Variants in SLC7A2 observed in about 807,000 individuals in gnomAD.
The protein encoded by SLC7A2 is solute carrier family 7 member 2, also known as cationic amino acid transporter 2.
Under a neutral mutation model 58.9 loss-of-function variants are expected in SLC7A2, and 48 were observed. The ratio of observed to expected loss-of-function variants is 0.82; its 90% CI spans 0.65 to 1.04. The LOEUF (loss-of-function observed/expected upper bound fraction) is 1.04, where lower values mean the gene tolerates loss of function less well. Ranked by LOEUF, SLC7A2 falls within the 50% of genes least tolerant of loss-of-function variation. The pLI, the probability that SLC7A2 is intolerant of heterozygous loss-of-function variation, is 0.00. For missense variants in SLC7A2, 1,029 were observed against 818.8 expected, an observed-to-expected ratio of 1.26 and a Z score of -3.13; for synonymous variants, 363 against 314.5, an observed-to-expected ratio of 1.15 and a Z score of -1.63.
chr8:17,553,520 C>T (rs946679179), intron 7 of SLC7A2, among the ~76,000 whole-genome samples: 3 of 152,154 alleles, frequency 2.0e-5, no homozygotes, highest in Non-Finnish European at 2.9e-5. Flanking sequence ...CTTGTAGTCC[C>T]AGCACTTTGG....
rs1803235013 is a variant in SLC7A2 at position 17,565,674 on chromosome 8, G to A, written c.*528G>A. 1 of 152,620 alleles carries A rather than the reference G, an allele frequency of 6.6e-6. No individual in the cohort carries two copies. The highest frequency in any genetic ancestry group is 1.5e-5 in the Non-Finnish European group (1 of 68,352). The allele number at this position is 152,620 out of a possible 1,614,324, so 9.5% of individuals were successfully genotyped here. A position where few individuals can be genotyped will look rare whatever the true frequency, so the allele number is the denominator to read the frequency against. On this transcript the variant is annotated 3_prime_UTR_variant, in exon 13 of 13. Transcript: ENST00000494857. ...CATCATGGTGTCTGTCACTGGTTAG[G>A]GGTAAGATGAGGGGATAAGGAAAGA... is the stretch of plus-strand genomic sequence containing the variant.
In SLC7A2 at chr8:17,551,978, G is replaced by C; in HGVS notation, c.1047G>C (p.Leu349Phe). The change falls in exon 7 of 13, where the codon TTG (leucine) becomes TTC (phenylalanine). Residue 349 changes from leucine to phenylalanine, a missense_variant. Physicochemically the swap from Leu to Phe is conservative, Grantham distance 22. Coordinates refer to ENST00000494857, the MANE Select transcript of SLC7A2 (RefSeq NM_001370338.1). ...YVVAAGSLCA[L>F]STSLLGSIFP... ...TCGCAGCTGGTTCTCTCTGCGCCTT[G>C]TCAACAAGGTACATTGCATCGCCTT... 1 of 1,613,954 alleles carries C rather than the reference G, an allele frequency of 6.2e-7. No individual in the cohort carries two copies. Among genetic ancestry groups the C allele is most frequent in the Non-Finnish European group, 8.5e-7 (1 of 1,179,898 alleles).
rs764890127 is a variant in SLC7A2 at position 17,549,118 on chromosome 8, C to G, written c.698+275C>G. Among the ~76,000 whole-genome samples the G allele has an allele frequency of 3.4e-4, 52 of 152,160 alleles. 1 individual carries two copies. The highest frequency in any genetic ancestry group is 6.2e-4 in the South Asian group (3 of 4,810). On this transcript the variant is annotated intron_variant, in intron 5 of 12. Coordinates refer to ENST00000494857, the MANE Select transcript of SLC7A2 (RefSeq NM_001370338.1). ...ATAAAACCATCAGCTCTTGTGAGACCCACTCACCATCACAAGAACAGCACA... is the reference window on the plus strand; with the variant it reads ...ATAAAACCATCAGCTCTTGTGAGACGCACTCACCATCACAAGAACAGCACA...
In SLC7A2 at chr8:17,549,007, G is replaced by A. The variant is rs187583266; in HGVS notation, c.698+164G>A. On this transcript the variant is annotated intron_variant, in intron 5 of 12. Transcript: ENST00000494857. ...CTCACAGTTCCACATGGCTGGGGAA[G>A]CCTCACAATCGTGGCGGAAGGTGAA... Among the ~76,000 whole-genome samples, 11 of 148,366 alleles carry A rather than the reference G, an allele frequency of 7.4e-5. No homozygotes were observed. In the East Asian group the frequency reaches 2.1e-3, roughly 29 times the overall value.
At chr8:17,496,998 T>A (rs1417711986), upstream of SLC7A2, 1 of 144,560 alleles carries the variant, frequency 6.9e-6, no homozygotes, top group Non-Finnish European at 1.6e-5. Context: ...GGGGTCGCGT[T>A]CCGGGAGCGC....
At chr8:17,547,366 A>G (rs1802222393) in intron 4 of SLC7A2, among the ~76,000 whole-genome samples, 1 of 152,136 alleles carries the variant, frequency 6.6e-6, no homozygotes, top group Non-Finnish European at 1.5e-5. Flanking sequence ...CCCATGATTC[A>G]GTTACCTCCC....
chr8:17,509,906 A>G (rs143030595), intron 2 of SLC7A2, among the ~76,000 whole-genome samples: 136 of 151,938 alleles, frequency 9.0e-4, no homozygotes, highest in African/African-American at 3.0e-3. Flanking sequence ...CCTATTTTTC[A>G]TTGGTATGTG....
rs1015407164 is a variant in SLC7A2 at position 17,569,177 on chromosome 8, T to A, written c.*4031T>A. On this transcript the variant is annotated 3_prime_UTR_variant, in exon 13 of 13. Transcript: ENST00000494857. ...ATCACACCTTGGCGTGATGAAATCA[T>A]GCCAAGATTCTGACTCTCCCTTTCC... is the stretch of plus-strand genomic sequence containing the variant. 4 of 152,152 alleles carry A rather than the reference T, an allele frequency of 2.6e-5. No individual in the cohort carries two copies. The highest frequency in any genetic ancestry group is 4.1e-4 in the South Asian group (2 of 4,822). 9.4% of individuals were successfully genotyped at this position (152,152 alleles called of 1,614,324 possible).
intron 2 of SLC7A2, among the ~76,000 whole-genome samples, chr8:17,505,043 T>C (rs922129616): frequency 2.6e-5 from 4 of 151,708 alleles, no homozygotes; most frequent in Non-Finnish European, 4.4e-5. Context: ...TTTAGGGGAG[T>C]TAAGGAAATT....
intron 2 of SLC7A2, among the ~76,000 whole-genome samples, chr8:17,514,529 T>C (rs1314490850): frequency 6.6e-6 from 1 of 152,148 alleles, no homozygotes; most frequent in Non-Finnish European, 1.5e-5. Context: ...AGGTTGACCC[T>C]GGAAGCTAAT....
Position 17,543,198 on chromosome 8 carries a change from A to C in SLC7A2, c.-22-120A>C, listed in dbSNP as rs971428601. 8 of 879,582 alleles carry C rather than the reference A, an allele frequency of 9.1e-6. No homozygotes were observed. In the African/African-American group the frequency reaches 1.2e-4, roughly 13 times the overall value. 54.5% of individuals were successfully genotyped at this position (879,582 alleles called of 1,614,324 possible). A position where few individuals can be genotyped will look rare whatever the true frequency, so the allele number is the denominator to read the frequency against. ...CTCTTCTAACAAGTGAAACACACAC[A>C]CACACACACACACACACAAACACAC... is the stretch of plus-strand genomic sequence containing the variant. On this transcript the variant is annotated intron_variant, in intron 2 of 12. Transcript: ENST00000494857.
chr8:17,525,915 G>C (rs999515371), intron 2 of SLC7A2, among the ~76,000 whole-genome samples: 1 of 152,046 alleles, frequency 6.6e-6, no homozygotes, highest in Admixed American at 6.6e-5. Context: ...TTTACTTTTT[G>C]GTAGTATTCA....
chr8:17,562,177 AGTATTTTTT>A, intron 11 of SLC7A2, 67 bp downstream of exon 11: 36 of 601,494 alleles, frequency 6.0e-5, no homozygotes, highest in Middle Eastern at 8.5e-4. Flanking sequence ...TAGTTTGGTA[AGTATTTTTT>A]TTTTTTTTTT....
intron 2 of SLC7A2, among the ~76,000 whole-genome samples, chr8:17,520,153 A>G (rs1287692632): frequency 1.3e-5 from 2 of 152,234 alleles, no homozygotes; most frequent in East Asian, 3.9e-4. Flanking sequence ...ATCTTGAAAC[A>G]TAGGTTATGT....
Position 17,538,871 on chromosome 8 carries a change from G to A in SLC7A2, c.-22-4447G>A, listed in dbSNP as rs13259948. The A allele has an allele frequency of 0.18, 285,364 of 1,609,622 alleles. 28,858 individuals carry two copies. The highest frequency in any genetic ancestry group is 0.21 in the Non-Finnish European group (242,969 of 1,175,906). ...TATAACTCAGACAAACTAATTTGTC[G>A]AGGGTTTATTGGAACACCTGCCCCA... On this transcript the variant is annotated intron_variant, in intron 2 of 12. Coordinates refer to ENST00000494857, the MANE Select transcript of SLC7A2 (RefSeq NM_001370338.1).
chr8:17,505,442 C>T (rs545785317), intron 2 of SLC7A2, among the ~76,000 whole-genome samples: 13 of 152,248 alleles, frequency 8.5e-5, no homozygotes, highest in Admixed American at 6.5e-4. Context: ...CTCTGAGTCA[C>T]AGAGGTATGA....
chr8:17,526,054 A>G lies in SLC7A2; in HGVS notation c.-22-17264A>G, dbSNP rs926437259. 2.6e-5 allele frequency among the ~76,000 whole-genome samples: 4 copies of G among 152,322 alleles called. No individual in the cohort carries two copies. The East Asian group carries it at 5.8e-4, about 22-fold the overall frequency. Reference sequence around the variant, plus strand: ...AAAAAGCAGATTTCTAAATACCCAGAGAAAATATGAAGATAATTCTATGGA... The same window carrying G: ...AAAAAGCAGATTTCTAAATACCCAGGGAAAATATGAAGATAATTCTATGGA... On this transcript the variant is annotated intron_variant, in intron 2 of 12. Transcript: ENST00000494857.
At position 17,570,455 on chromosome 8, in the gene SLC7A2, T is replaced by C. The variant is rs1226145486; in HGVS notation, c.*5309T>C. ...GATCATCAGTGTTCCTTTTTACTTA[T>C]AAAGTTGGATTCTTTTTTAGAATTT... On this transcript the variant is annotated 3_prime_UTR_variant, in exon 13 of 13. Coordinates refer to ENST00000494857, the MANE Select transcript of SLC7A2 (RefSeq NM_001370338.1). The C allele has an allele frequency of 1.3e-5, 2 of 152,658 alleles. No individual in the cohort carries two copies. Among genetic ancestry groups the C allele is most frequent in the African/African-American group, 4.8e-5 (2 of 41,460 alleles). The allele number at this position is 152,658 out of a possible 1,614,324, so 9.5% of individuals were successfully genotyped here. A position where few individuals can be genotyped will look rare whatever the true frequency, so the allele number is the denominator to read the frequency against.
intron 2 of SLC7A2, among the ~76,000 whole-genome samples, chr8:17,509,065 A>G (rs1585185278): frequency 1.3e-5 from 2 of 152,076 alleles, no homozygotes; most frequent in Admixed American, 1.3e-4. Context: ...AGGAGTGGGG[A>G]CTGTAGACAT....
Sources: allele counts gnomAD v4.1 joint callset (sites outside exome capture counted in the v4.1 genomes callset), GRCh38; gene constraint gnomAD v4.1.1; transcripts MANE v1.5; gene names NCBI Gene and HGNC (gene_info 2026-07-23, HGNC 2026-07-21).